The following SELENOF variants were observed in gnomAD, a reference collection of about 807,000 sequenced individuals.
SELENOF encodes the protein selenoprotein F.
SELENOF carries 16 observed loss-of-function variants against 20.5 expected under a neutral mutation model. The ratio of observed to expected loss-of-function variants is 0.78; its 90% CI spans 0.53 to 1.19. The LOEUF is 1.19. Ranked by LOEUF, SELENOF falls within the 50% of genes most tolerant of loss-of-function variation. The pLI is 0.00. For missense variants in SELENOF, 215 were observed against 194.2 expected (o/e 1.11, Z -0.64); for synonymous variants, 78 against 74.5 (o/e 1.05, Z -0.24).
chr1:86,913,491 T>C (rs1258257341), intron 1 of SELENOF, among the ~76,000 whole-genome samples: 1 of 152,194 alleles, frequency 6.6e-6, no homozygotes, highest in African/African-American at 2.4e-5. Context: ...TCCAACAACA[T>C]TGTTTAAAAG....
chr1:86,890,378 TG>T (rs1659348076), intron 2 of SELENOF, among the ~76,000 whole-genome samples: 2 of 152,200 alleles, frequency 1.3e-5, no homozygotes, highest in African/African-American at 4.8e-5. Context: ...CATATCTCAT[TG>T]AATTCTTTTA....
At position 86,881,186 on chromosome 1, in the gene SELENOF, A is replaced by G. The variant is rs550569850; in HGVS notation, c.253-461T>C. ...AAGTTTTAAAATTAAAACAATCGTT[A>G]TAGAAAGTACTATGTGGAGATATTA... is the stretch of plus-strand genomic sequence containing the variant. On this transcript the variant is annotated intron_variant, in intron 2 of 4. Transcript: ENST00000331835. Among the ~76,000 whole-genome samples the G allele has an allele frequency of 2.5e-5, 3 of 117,722 alleles. No homozygotes were observed. In the East Asian group the frequency reaches 6.1e-4, roughly 24 times the overall value. 77.2% of individuals were successfully genotyped at this position (117,722 alleles called of 152,430 possible).
intron 3 of SELENOF, among the ~76,000 whole-genome samples, chr1:86,869,599 G>T (rs577412881): frequency 5.3e-5 from 8 of 152,182 alleles, no homozygotes; most frequent in African/African-American, 1.9e-4. Flanking sequence ...AGTTTTAAAT[G>T]AATATTTTCC....
chr1:86,885,600 A>C (rs962824246), intron 2 of SELENOF, among the ~76,000 whole-genome samples: 1 of 152,260 alleles, frequency 6.6e-6, no homozygotes, highest in Non-Finnish European at 1.5e-5. Context: ...CGAAGCACTT[A>C]AAGTATTTTT....
chr1:86,900,196 C>G (rs1434297660), intron 2 of SELENOF, among the ~76,000 whole-genome samples: 1 of 151,906 alleles, frequency 6.6e-6, no homozygotes, highest in African/African-American at 2.4e-5. Context: ...GGCGGCTGGG[C>G]AGAGGCTGCA....
At chr1:86,872,825 G>A (rs1658812751) in intron 3 of SELENOF, among the ~76,000 whole-genome samples, 1 of 152,002 alleles carries the variant, frequency 6.6e-6, no homozygotes, top group South Asian at 2.1e-4. Flanking sequence ...GGAGGATCAC[G>A]AGGTCAGGAG....
At position 86,912,543 on chromosome 1, in the gene SELENOF, T is replaced by C. The variant is rs547353868; in HGVS notation, c.84+1485A>G. Among the ~76,000 whole-genome samples the C allele has an allele frequency of 2.0e-5, 3 of 152,232 alleles. No homozygotes were observed. The South Asian group carries it at 6.2e-4, about 32-fold the overall frequency. ...TGCTTTGAGAAATATGTGATGGAAG[T>C]AATATATGTGATTTCCAAGGCAAGG... is the stretch of plus-strand genomic sequence containing the variant. On this transcript the variant is annotated intron_variant, in intron 1 of 4. Transcript: ENST00000331835.
intron 1 of SELENOF, among the ~76,000 whole-genome samples, chr1:86,906,050 C>T (rs1659818939): frequency 6.6e-6 from 1 of 151,864 alleles, no homozygotes; most frequent in African/African-American, 2.4e-5. Flanking sequence ...AATTTAAGTA[C>T]TTGTTGGCAT....
intron 3 of SELENOF, among the ~76,000 whole-genome samples, chr1:86,871,346 A>G (rs1658761910): frequency 6.6e-6 from 1 of 152,210 alleles, no homozygotes; most frequent in Non-Finnish European, 1.5e-5. Flanking sequence ...TTAGAGTCAT[A>G]AAGAAACAAG....
At chr1:86,911,624 CTAGT>C (rs1372285259) in intron 1 of SELENOF, among the ~76,000 whole-genome samples, 1 of 152,084 alleles carries the variant, frequency 6.6e-6, no homozygotes, top group East Asian at 1.9e-4. Flanking sequence ...AGATGGGAGA[CTAGT>C]TAAGGAAGCT....
chr1:86,882,924 G>C (rs1403876443), intron 2 of SELENOF, among the ~76,000 whole-genome samples: 2 of 150,116 alleles, frequency 1.3e-5, no homozygotes, highest in South Asian at 2.1e-4. Flanking sequence ...TCAGGAGTTC[G>C]AGACCAGCCT....
At chr1:86,864,852 T>C (rs1004912250) in intron 4 of SELENOF, among the ~76,000 whole-genome samples, 1 of 152,110 alleles carries the variant, frequency 6.6e-6, no homozygotes, top group Non-Finnish European at 1.5e-5. Context: ...CAGGTTGGTC[T>C]CGAACTCCTG....
chr1:86,894,097 A>ATGCTTCT (rs1659458074), intron 2 of SELENOF, among the ~76,000 whole-genome samples: 1 of 151,792 alleles, frequency 6.6e-6, no homozygotes, highest in South Asian at 2.1e-4. Context: ...TCTGCAGCCT[A>ATGCTTCT]TGCTTCTACT....
upstream of SELENOF, chr1:86,914,338 C>G: frequency 1.7e-6 from 1 of 574,274 alleles, no homozygotes; most frequent in South Asian, 2.1e-5. Flanking sequence ...TTCTTTACTT[C>G]TGCGGTCTCC....
At chr1:86,899,876 C>A (rs1462473134) in intron 2 of SELENOF, among the ~76,000 whole-genome samples, 2 of 149,046 alleles carry the variant, frequency 1.3e-5, no homozygotes, top group African/African-American at 2.5e-5. Flanking sequence ...TCAGATGGGG[C>A]GGCTGGGCAG....
intron 3 of SELENOF, 80 bp from the exon 4 acceptor site, chr1:86,868,182 T>C (rs1472849938): frequency 2.9e-6 from 2 of 680,270 alleles, no homozygotes; most frequent in East Asian, 5.6e-5. Flanking sequence ...AAAGTGGAAA[T>C]AAACAACAAA....
chr1:86,910,569 T>G (rs1659952980), intron 1 of SELENOF, among the ~76,000 whole-genome samples: 1 of 110,910 alleles, frequency 9.0e-6, no homozygotes. Context: ...CTGTGCGTGG[T>G]GGCGTGCACC....
intron 2 of SELENOF, among the ~76,000 whole-genome samples, chr1:86,893,699 G>A (rs1347316561): frequency 6.6e-6 from 1 of 152,120 alleles, no homozygotes. Context: ...AAAGAGGTAA[G>A]CTTCTAATGA....
intron 2 of SELENOF, among the ~76,000 whole-genome samples, chr1:86,884,172 C>T (rs1258528304): frequency 1.3e-5 from 2 of 152,160 alleles, no homozygotes; most frequent in Admixed American, 1.3e-4. Context: ...AAATTAAATG[C>T]CTCTTTTTTC....
Sources: allele counts gnomAD v4.1 joint callset (sites outside exome capture counted in the v4.1 genomes callset), GRCh38; gene constraint gnomAD v4.1.1; transcripts MANE v1.5; gene names NCBI Gene and HGNC (gene_info 2026-07-23, HGNC 2026-07-21).